Variants in RBFOX1 observed in about 807,000 individuals in gnomAD.
The protein encoded by RBFOX1 is RNA binding fox-1 homolog 1, also known as RNA binding protein fox-1 homolog 1.
A neutral mutation model predicts 57.7 loss-of-function variants in RBFOX1; 8 were observed. That is an observed-to-expected ratio of 0.14 (90% CI 0.08 to 0.25). The LOEUF (loss-of-function observed/expected upper bound fraction) is 0.25. Ranked by LOEUF, RBFOX1 falls within the 10% of genes least tolerant of loss-of-function variation. The probability of loss-of-function intolerance (pLI) is 1.00; values close to 1 mark genes in which losing one functional copy is unlikely to be tolerated. For missense variants in RBFOX1, 611 were observed against 548.5 expected (o/e 1.11, Z -1.14); for synonymous variants, 326 against 222.4 (o/e 1.47, Z -4.15).
At chr16:7,436,021 G>C (rs578240124) in intron 4 of RBFOX1, among the ~76,000 whole-genome samples, 4 of 152,206 alleles carry the variant, frequency 2.6e-5, no homozygotes, top group Non-Finnish European at 5.9e-5. Context: ...TAATTTTTAG[G>C]GAGGGTGGGG....
intron 1 of RBFOX1, among the ~76,000 whole-genome samples, chr16:6,053,858 G>C (rs1415637803): frequency 1.3e-5 from 2 of 152,056 alleles, no homozygotes; most frequent in African/African-American, 4.8e-5. Flanking sequence ...AGGAGTTCAA[G>C]ACCAGCCTGG....
rs187400822 is a variant in RBFOX1 at position 6,631,571 on chromosome 16, A to G, written c.-63-23032A>G. On this transcript the variant is annotated intron_variant, in intron 2 of 15. Coordinates refer to ENST00000550418, the MANE Select transcript of RBFOX1 (RefSeq NM_018723.4). ...CAGAATACAGCATGGAAAAAAGACA[A>G]AGGAAAGTCTCTGCTTTCATGGAGC... is the stretch of plus-strand genomic sequence containing the variant. Among the ~76,000 whole-genome samples the G allele has an allele frequency of 2.2e-3, 328 of 152,266 alleles. 1 individual carries two copies. The highest frequency in any genetic ancestry group is 0.017 in the Middle Eastern group (5 of 294).
chr16:6,061,733 T>G (rs2095688663), intron 1 of RBFOX1, among the ~76,000 whole-genome samples: 1 of 152,104 alleles, frequency 6.6e-6, no homozygotes, highest in African/African-American at 2.4e-5. Flanking sequence ...TGTTTTCACT[T>G]TACACTCACA....
intron 3 of RBFOX1, among the ~76,000 whole-genome samples, chr16:6,872,841 G>T (rs1285049895): frequency 6.6e-6 from 1 of 152,146 alleles, no homozygotes; most frequent in Non-Finnish European, 1.5e-5. Context: ...CTTTAAAAGA[G>T]TTAACAGAAT....
intron 3 of RBFOX1, among the ~76,000 whole-genome samples, chr16:6,930,391 C>A (rs146885728): frequency 1.3e-5 from 2 of 152,064 alleles, no homozygotes. Context: ...ACCTCACACC[C>A]ATCAGGATGG....
chr16:5,907,126 A>G (rs1319130247), intron 4 of RBFOX1, among the ~76,000 whole-genome samples: 1 of 152,054 alleles, frequency 6.6e-6, no homozygotes, highest in East Asian at 1.9e-4. Flanking sequence ...TTGGTGGATG[A>G]TTTCTGTGAC....
At chr16:6,913,260 T>C (rs902286513) in intron 3 of RBFOX1, among the ~76,000 whole-genome samples, 1 of 152,162 alleles carries the variant, frequency 6.6e-6, no homozygotes, top group African/African-American at 2.4e-5. Context: ...TGTTATAAAG[T>C]AGCACTTTTA....
chr16:7,544,478 T>C (rs1321490800), intron 5 of RBFOX1, among the ~76,000 whole-genome samples: 1 of 152,138 alleles, frequency 6.6e-6, no homozygotes, highest in Admixed American at 6.5e-5. Context: ...ATTCAATGAG[T>C]GTTGTCCTTG....
At chr16:7,545,105 G>A (rs2084056264) in intron 5 of RBFOX1, among the ~76,000 whole-genome samples, 1 of 151,736 alleles carries the variant, frequency 6.6e-6, no homozygotes, top group Non-Finnish European at 1.5e-5. Context: ...TTCGAGGCAG[G>A]AATTATCTTT....
At chr16:6,780,568 ATATT>A (rs1171297501) in intron 3 of RBFOX1, among the ~76,000 whole-genome samples, 6 of 131,056 alleles carry the variant, frequency 4.6e-5, no homozygotes, top group South Asian at 2.2e-4. Flanking sequence ...ATATTTATAT[ATATT>A]TATATATATA....
At position 5,777,593 on chromosome 16, in the gene RBFOX1, G is replaced by T. The variant is rs149767853; in HGVS notation, c.319-89710G>T. ...TCCTTGTATAAATGGTCTTCGAGCA[G>T]GTCACTCAACCTTCCTGAGTCTGAG... On this transcript the variant is annotated intron_variant, in intron 3 of 19. Transcript: ENST00000641259. 7.1e-3 allele frequency among the ~76,000 whole-genome samples: 1,087 copies of T among 152,268 alleles called. 15 individuals are homozygous for T. Among genetic ancestry groups the T allele is most frequent in the African/African-American group, 0.025 (1,026 of 41,546 alleles).
chr16:6,442,809 G>C (rs1465518062), intron 2 of RBFOX1, among the ~76,000 whole-genome samples: 1 of 152,220 alleles, frequency 6.6e-6, no homozygotes, highest in African/African-American at 2.4e-5. Context: ...TTGGGGAATT[G>C]CAAGGGAGTA....
intron 4 of RBFOX1, among the ~76,000 whole-genome samples, chr16:7,229,023 A>G (rs1294288389): frequency 6.6e-6 from 1 of 152,172 alleles, no homozygotes; most frequent in Non-Finnish European, 1.5e-5. Context: ...AAGAAAGAAC[A>G]ATGCATAACA....
intron 14 of RBFOX1, among the ~76,000 whole-genome samples, chr16:7,679,778 C>A (rs1480566329): frequency 6.6e-6 from 1 of 151,926 alleles, no homozygotes; most frequent in African/African-American, 2.4e-5. Flanking sequence ...CTCGGAGCAA[C>A]CTGAGAGTCT....
chr16:7,161,089 CAG>C (rs777680803), intron 4 of RBFOX1, among the ~76,000 whole-genome samples: 14 of 151,616 alleles, frequency 9.2e-5, no homozygotes, highest in Non-Finnish European at 1.9e-4. Flanking sequence ...ATCATATTTG[CAG>C]AGTGTATTTA....
chr16:7,029,181 TGTATATATACAC>T (rs762600276), intron 3 of RBFOX1, among the ~76,000 whole-genome samples: 29,387 of 104,572 alleles, frequency 0.28, 7,639 homozygotes, highest in South Asian at 0.45. Flanking sequence ...TACGTATACG[TGTATATATACAC>T]ATATGTATAC....
intron 3 of RBFOX1, among the ~76,000 whole-genome samples, chr16:6,920,360 A>G (rs771658484): frequency 6.6e-6 from 1 of 152,178 alleles, no homozygotes; most frequent in Non-Finnish European, 1.5e-5. Flanking sequence ...TTGTCATGAT[A>G]CAATCTCTCT....
At chr16:6,077,358 TG>T (rs1234301936) in intron 1 of RBFOX1, among the ~76,000 whole-genome samples, 1 of 152,204 alleles carries the variant, frequency 6.6e-6, no homozygotes, top group Non-Finnish European at 1.5e-5. Flanking sequence ...CACCGTGGTT[TG>T]TACTAACTAT....
At chr16:7,507,565 C>CTTTT (rs3030308) in intron 4 of RBFOX1, among the ~76,000 whole-genome samples, 21 of 132,558 alleles carry the variant, frequency 1.6e-4, no homozygotes, top group Admixed American at 3.2e-4. Flanking sequence ...TTCTTTCTTT[C>CTTTT]TTTTTTTTTT....
Sources: allele counts gnomAD v4.1 joint callset (sites outside exome capture counted in the v4.1 genomes callset), GRCh38; gene constraint gnomAD v4.1.1; transcripts MANE v1.5; gene names NCBI Gene and HGNC (gene_info 2026-07-23, HGNC 2026-07-21).